The following HS6ST3 variants were observed in gnomAD, a reference collection of about 807,000 sequenced individuals.
HS6ST3 encodes the protein heparan sulfate 6-O-sulfotransferase 3.
Under a neutral mutation model 36.7 loss-of-function variants are expected in HS6ST3, and 12 were observed. That is an observed-to-expected ratio of 0.33 (90% confidence interval 0.21 to 0.53). HS6ST3 has a LOEUF of 0.53. HS6ST3 is among the 20% of genes least tolerant of loss of function. The pLI is 0.95. For missense variants in HS6ST3, 584 were observed against 640.9 expected (o/e 0.91, Z 0.96); for synonymous variants, 240 against 257.5 (o/e 0.93, Z 0.65).
At chr13:96,157,763 T>C (rs1434096202) in intron 1 of HS6ST3, among the ~76,000 whole-genome samples, 1 of 152,234 alleles carries the variant, frequency 6.6e-6, no homozygotes, top group Non-Finnish European at 1.5e-5. Context: ...GAATGATTAG[T>C]GTGCAAGAGG....
At chr13:96,730,607 G>A (rs956378705) in intron 1 of HS6ST3, among the ~76,000 whole-genome samples, 1 of 152,012 alleles carries the variant, frequency 6.6e-6, no homozygotes, top group Non-Finnish European at 1.5e-5. Context: ...TCACCCTGTT[G>A]CCTAGGCTGG....
intron 1 of HS6ST3, among the ~76,000 whole-genome samples, chr13:96,747,162 G>A (rs1876582398): frequency 6.6e-6 from 1 of 152,076 alleles, no homozygotes; most frequent in Admixed American, 6.6e-5. Context: ...TAAGTGGGAT[G>A]TTGTTATGAT....
At chr13:96,391,369 A>C (rs1169809941) in intron 1 of HS6ST3, among the ~76,000 whole-genome samples, 1 of 152,174 alleles carries the variant, frequency 6.6e-6, no homozygotes, top group African/African-American at 2.4e-5. Context: ...GATTTATTTG[A>C]AACCCCAAAA....
intron 1 of HS6ST3, among the ~76,000 whole-genome samples, chr13:96,351,335 T>TTTTTTTTTTTTTTTTTTTTAAAAA: frequency 6.8e-6 from 1 of 146,408 alleles, no homozygotes; most frequent in African/African-American, 2.6e-5. Flanking sequence ...TTTTTTTTTT[T>TTTTTTTTTTTTTTTTTTTTAAAAA]AAAAAAAACA....
intron 1 of HS6ST3, among the ~76,000 whole-genome samples, chr13:96,111,616 C>T (rs957053889): frequency 1.3e-5 from 2 of 152,160 alleles, no homozygotes; most frequent in South Asian, 4.1e-4. Context: ...ACATCCTGAA[C>T]CGTGTTTCCA....
chr13:96,593,707 T>C (rs1032780343), intron 1 of HS6ST3, among the ~76,000 whole-genome samples: 2 of 151,930 alleles, frequency 1.3e-5, no homozygotes, highest in African/African-American at 2.4e-5. Flanking sequence ...TATTTTGAAT[T>C]TTTTTGCATT....
intron 1 of HS6ST3, among the ~76,000 whole-genome samples, chr13:96,769,413 A>G (rs1877201067): frequency 6.7e-6 from 1 of 149,728 alleles, no homozygotes. Flanking sequence ...GTCATCTAGC[A>G]TTAGGTATAT....
intron 1 of HS6ST3, among the ~76,000 whole-genome samples, chr13:96,126,768 C>A (rs952861163): frequency 6.6e-6 from 1 of 152,166 alleles, no homozygotes; most frequent in Non-Finnish European, 1.5e-5. Flanking sequence ...GCTCCACAAC[C>A]CTGTTGGAGG....
intron 1 of HS6ST3, among the ~76,000 whole-genome samples, chr13:96,239,703 C>A (rs2054551302): frequency 6.6e-6 from 1 of 152,088 alleles, no homozygotes; most frequent in South Asian, 2.1e-4. Flanking sequence ...AAAGGCAAGG[C>A]AGACACAAAT....
At chr13:96,335,910 G>A (rs577193086) in intron 1 of HS6ST3, among the ~76,000 whole-genome samples, 23 of 152,108 alleles carry the variant, frequency 1.5e-4, no homozygotes, top group South Asian at 8.3e-4. Flanking sequence ...TTAGAATATC[G>A]GTGCCTAGGA....
chr13:96,445,973 C>T (rs554623047), intron 1 of HS6ST3, among the ~76,000 whole-genome samples: 1 of 152,132 alleles, frequency 6.6e-6, no homozygotes, highest in East Asian at 1.9e-4. Flanking sequence ...GAGATTGAGA[C>T]CATTCTGGCT....
intron 1 of HS6ST3, among the ~76,000 whole-genome samples, chr13:96,520,813 C>T (rs1223956048): frequency 2.0e-5 from 3 of 152,202 alleles, no homozygotes; most frequent in African/African-American, 7.2e-5. Context: ...TTGACTTTCT[C>T]TCTTCCTATT....
At chr13:96,332,735 T>TA (rs1157247644) in intron 1 of HS6ST3, among the ~76,000 whole-genome samples, 4 of 152,248 alleles carry the variant, frequency 2.6e-5, no homozygotes, top group Admixed American at 2.6e-4. Context: ...GGAAATTGCT[T>TA]AATATCTAAA....
intron 1 of HS6ST3, among the ~76,000 whole-genome samples, chr13:96,187,320 A>G (rs1426201431): frequency 6.6e-6 from 1 of 152,250 alleles, no homozygotes; most frequent in Non-Finnish European, 1.5e-5. Flanking sequence ...ATAATTAACA[A>G]CAGATAGCTG....
intron 1 of HS6ST3, among the ~76,000 whole-genome samples, chr13:96,439,622 T>G (rs1156786227): frequency 6.6e-6 from 1 of 152,172 alleles, no homozygotes; most frequent in African/African-American, 2.4e-5. Flanking sequence ...TCCTGTAAAC[T>G]GTGAATAATA....
intron 1 of HS6ST3, among the ~76,000 whole-genome samples, chr13:96,358,274 G>A (rs374765250): frequency 4.2e-5 from 6 of 143,176 alleles, no homozygotes; most frequent in South Asian, 2.2e-4. Context: ...TTGGAGAAAG[G>A]TGGTGGGGCA....
At chr13:96,797,736 G>A (rs1877948872) in intron 1 of HS6ST3, among the ~76,000 whole-genome samples, 1 of 152,024 alleles carries the variant, frequency 6.6e-6, no homozygotes, top group African/African-American at 2.4e-5. Flanking sequence ...TCACCCCACA[G>A]CAATCAACAC....
chr13:96,669,436 G>A (rs1368032552), intron 1 of HS6ST3, among the ~76,000 whole-genome samples: 1 of 152,110 alleles, frequency 6.6e-6, no homozygotes, highest in Non-Finnish European at 1.5e-5. Context: ...CGAAGCACTT[G>A]GAGGGAAAAT....
intron 1 of HS6ST3, among the ~76,000 whole-genome samples, chr13:96,764,135 T>C (rs1189657732): frequency 6.6e-6 from 1 of 152,246 alleles, no homozygotes; most frequent in East Asian, 1.9e-4. Flanking sequence ...TGCTTCTCCT[T>C]TAAATAAAGC....
Sources: gnomAD v4.1 joint callset for allele counts (sites outside exome capture counted in the v4.1 genomes callset) on GRCh38, gnomAD v4.1.1 for gene constraint, MANE v1.5 for transcripts, NCBI Gene and HGNC (gene_info 2026-07-23, HGNC 2026-07-21) for gene names.